CFAP20DC: variants seen among roughly 807,000 people sequenced by gnomAD.
CFAP20DC encodes the protein CFAP20 domain containing, also known as protein CFAP20DC.
CFAP20DC carries 84 observed loss-of-function variants against 101.7 expected under a neutral mutation model. The observed-to-expected ratio is 0.83, with a 90% confidence interval of 0.69 to 0.99. The LOEUF (loss-of-function observed/expected upper bound fraction) is 0.99, where lower values mean the gene tolerates loss of function less well. Among genes scored for constraint, CFAP20DC ranks in the 50% least tolerant of loss-of-function variants. The pLI, the probability that CFAP20DC is intolerant of heterozygous loss-of-function variation, is 0.00. For missense variants in CFAP20DC, 1,007 were observed against 970.3 expected (o/e 1.04, Z -0.50); for synonymous variants, 359 against 351.2 (o/e 1.02, Z -0.25).
chr3:58,831,906 A>G lies in CFAP20DC; in HGVS notation c.1972-17T>C. 1 of 1,610,008 alleles carries G rather than the reference A, an allele frequency of 6.2e-7. No homozygotes were observed. The stretch of plus-strand genomic sequence containing the variant: ...GTCATATTCCTGACCAAGAGAGAGG[A>G]AAATAACAAAGGGTCATTTGGCCTA... On this transcript the variant is annotated splice_polypyrimidine_tract_variant and intron_variant, in intron 13 of 16. Transcript: ENST00000482387.
At chr3:58,853,557 T>A (rs1387355327) in intron 12 of CFAP20DC, among the ~76,000 whole-genome samples, 9 of 151,968 alleles carry the variant, frequency 5.9e-5, no homozygotes, top group Non-Finnish European at 1.3e-4. Flanking sequence ...ACCAATATCC[T>A]TGATGAACAT....
At chr3:58,802,089 A>G (rs2073752856) in intron 15 of CFAP20DC, among the ~76,000 whole-genome samples, 1 of 152,200 alleles carries the variant, frequency 6.6e-6, no homozygotes, top group Admixed American at 6.5e-5. Context: ...AAGACTGGTT[A>G]TTGACTCCAT....
At position 58,912,987 on chromosome 3, in the gene CFAP20DC, G is replaced by A. The variant is rs970041429; in HGVS notation, c.550+721C>T. The stretch of plus-strand genomic sequence containing the variant: ...TAATTTGATGACTTTCCCACACAAT[G>A]AGTCCTGCCTCCTTAGTCAGGAATC... On this transcript the variant is annotated intron_variant, in intron 6 of 16. Transcript: ENST00000482387. The surrounding 1 kb of genome is among the most constrained non-coding windows in gnomAD (Gnocchi z 4.4). 1.1e-4 allele frequency among the ~76,000 whole-genome samples: 16 copies of A among 152,072 alleles called. No individual in the cohort carries two copies. Among genetic ancestry groups the A allele is most frequent in the African/African-American group, 3.6e-4 (15 of 41,420 alleles).
intron 15 of CFAP20DC, among the ~76,000 whole-genome samples, chr3:58,774,128 CT>C (rs1362418172): frequency 6.6e-6 from 1 of 151,882 alleles, no homozygotes; most frequent in African/African-American, 2.4e-5. Flanking sequence ...GTCAGTTTAT[CT>C]GCTTAAAACA....
chr3:58,767,803 G>C (rs568849116), intron 15 of CFAP20DC, among the ~76,000 whole-genome samples: 1 of 152,252 alleles, frequency 6.6e-6, no homozygotes, highest in South Asian at 2.1e-4. Flanking sequence ...AACCCCCATT[G>C]ATGTTCTGAA....
chr3:59,032,600 A>G (rs1350875193), intron 4 of CFAP20DC, among the ~76,000 whole-genome samples: 2 of 152,226 alleles, frequency 1.3e-5, no homozygotes, highest in Non-Finnish European at 2.9e-5. Context: ...AACTAGGCAG[A>G]GACCACTGCA....
chr3:58,921,199 C>G (rs946987571), intron 5 of CFAP20DC, among the ~76,000 whole-genome samples: 2 of 151,662 alleles, frequency 1.3e-5, no homozygotes, highest in African/African-American at 4.8e-5. Flanking sequence ...TTCAAAGAAC[C>G]AATTTTTGGT....
At chr3:58,727,733 C>T (rs2067576433) in intron 3 of CFAP20DC, 1 of 152,274 alleles carries the variant, frequency 6.6e-6, no homozygotes, top group Non-Finnish European at 1.5e-5. Context: ...GCCACCGCGC[C>T]CAGCCCACTC....
chr3:58,771,285 G>T (rs1233645428), intron 15 of CFAP20DC, among the ~76,000 whole-genome samples: 1 of 152,012 alleles, frequency 6.6e-6, no homozygotes, highest in Non-Finnish European at 1.5e-5. Flanking sequence ...AACATTAGGA[G>T]AAATACCTAA....
chr3:58,817,209 TG>T (rs1457859539), intron 14 of CFAP20DC, among the ~76,000 whole-genome samples: 2 of 151,856 alleles, frequency 1.3e-5, no homozygotes, highest in East Asian at 1.9e-4. Context: ...ACAGAAAAAC[TG>T]GAAACTCTAA....
intron 4 of CFAP20DC, among the ~76,000 whole-genome samples, chr3:58,998,047 A>T (rs2093193648): frequency 6.6e-6 from 1 of 152,188 alleles, no homozygotes; most frequent in Admixed American, 6.5e-5. Flanking sequence ...TAAAGTGATC[A>T]AAAGCACTAG....
intron 6 of CFAP20DC, among the ~76,000 whole-genome samples, chr3:58,906,446 C>A (rs2083592191): frequency 6.6e-6 from 1 of 152,100 alleles, no homozygotes. Flanking sequence ...AAATATGCAG[C>A]CTAGTGTGGC....
chr3:58,811,854 T>C (rs2074665189), intron 14 of CFAP20DC, among the ~76,000 whole-genome samples: 2 of 147,056 alleles, frequency 1.4e-5, no homozygotes, highest in Admixed American at 6.8e-5. Flanking sequence ...CAAACAAATT[T>C]ACAAGAAAAA....
At position 58,851,948 on chromosome 3, in the gene CFAP20DC, C is replaced by T. The variant is rs1050211742; in HGVS notation, c.1594-2539G>A. 1.1e-4 allele frequency among the ~76,000 whole-genome samples: 16 copies of T among 152,240 alleles called. No individual in the cohort carries two copies. In the East Asian group the frequency reaches 1.2e-3, roughly 11 times the overall value. On this transcript the variant is annotated intron_variant, in intron 12 of 16. Transcript: ENST00000482387. ...GGAAGCTTTTGTGGGTGTTTTTCAG[C>T]GAAAGCTTTGGCTAACTTTCTCAAA...
intron 15 of CFAP20DC, chr3:58,794,174 G>A (rs2073063030): frequency 6.3e-6 from 2 of 318,164 alleles, no homozygotes; most frequent in Non-Finnish European, 1.3e-5. Flanking sequence ...CAAATAAGTT[G>A]TTTACCTCAA....
intron 4 of CFAP20DC, chr3:59,018,763 G>C (rs1468132766): frequency 6.6e-6 from 1 of 152,146 alleles, no homozygotes; most frequent in Non-Finnish European, 1.5e-5. Flanking sequence ...AGGACAGTAT[G>C]TCTATATCAT....
intron 4 of CFAP20DC, among the ~76,000 whole-genome samples, chr3:58,975,207 T>C (rs2092206412): frequency 6.6e-6 from 1 of 152,190 alleles, no homozygotes; most frequent in Non-Finnish European, 1.5e-5. Flanking sequence ...CTTCAGATCT[T>C]AATTTAAATA....
At chr3:58,992,966 A>G (rs925323669) in intron 4 of CFAP20DC, among the ~76,000 whole-genome samples, 2 of 152,202 alleles carry the variant, frequency 1.3e-5, no homozygotes, top group Non-Finnish European at 2.9e-5. Flanking sequence ...CCTCAAAAAC[A>G]AATTTCAAGA....
chr3:59,005,799 C>T (rs1324075550), intron 4 of CFAP20DC, among the ~76,000 whole-genome samples: 1 of 152,074 alleles, frequency 6.6e-6, no homozygotes, highest in Non-Finnish European at 1.5e-5. Flanking sequence ...TATTTGCGAA[C>T]TAATCAAATT....
Sources: gnomAD v4.1 joint callset for allele counts (sites outside exome capture counted in the v4.1 genomes callset) on GRCh38, gnomAD v4.1.1 for gene constraint, Gnocchi (gnomAD v3.1) non-coding constraint, MANE v1.5 for transcripts, NCBI Gene and HGNC (gene_info 2026-07-23, HGNC 2026-07-21) for gene names.